TMC6: variants seen among roughly 807,000 people sequenced by gnomAD.
TMC6 encodes the protein transmembrane channel-like protein 6.
TMC6 carries 71 observed loss-of-function variants against 95.4 expected under a neutral mutation model. The ratio of observed to expected loss-of-function variants is 0.74; its 90% CI spans 0.61 to 0.91. The LOEUF is 0.91. Among genes scored for constraint, TMC6 ranks in the 40% least tolerant of loss-of-function variants. The pLI is 0.00. For synonymous variants in TMC6, 514 were observed against 483.1 expected, an observed-to-expected ratio of 1.06 and a Z score of -0.84; for missense variants, 1,074 against 1,079.1, an observed-to-expected ratio of 1.00 and a Z score of 0.07.
intron 9 of TMC6, chr17:78,123,134 G>C (rs1412872908): frequency 2.9e-6 from 1 of 350,256 alleles, no homozygotes; most frequent in Non-Finnish European, 5.5e-6. Flanking sequence ...TCCCCTCTCA[G>C]GGCAAGTGCC....
rs369854008 is a variant in TMC6, at chr17:78,109,293, CAG to C, written c.*3853_*3854del. 24 of 365,610 alleles carry C rather than the reference CAG, an allele frequency of 6.6e-5. No individual in the cohort carries two copies. The highest frequency in any genetic ancestry group is 2.4e-4 in the South Asian group (12 of 50,054). 22.6% of individuals were successfully genotyped at this position (365,610 alleles called of 1,614,324 possible). ...CTGAGTGTTCAGTGAAGAGGGAAAACAGAGACAGTGGGGCATCCCGAGAAGAT... is the reference window on the plus strand; with the variant it reads ...CTGAGTGTTCAGTGAAGAGGGAAAACAGACAGTGGGGCATCCCGAGAAGAT... On this transcript the variant is annotated 3_prime_UTR_variant, in exon 20 of 20. Coordinates refer to ENST00000590602, the MANE Select transcript of TMC6 (RefSeq NM_001127198.5).
At chr17:78,131,681 C>CT (rs1568011732), upstream of TMC6, 8 of 1,575,162 alleles carry the variant, frequency 5.1e-6, no homozygotes, top group South Asian at 9.3e-5. Flanking sequence ...GGCTGCGCGG[C>CT]TCTGGGACGC....
At position 78,126,865 on chromosome 17, in the gene TMC6, T is replaced by A; in HGVS notation, c.-33A>T. 6.2e-7 allele frequency: 1 copy of A among 1,608,980 alleles called. No individual in the cohort carries two copies. The highest frequency in any genetic ancestry group is 2.2e-5 in the East Asian group (1 of 44,694). ...GCCAATGCCCGCTAGTCTGCAGACC[T>A]AGGGTAGCTCAGAGCCTGGGCGCCA... On this transcript the variant is annotated 5_prime_UTR_variant, in exon 2 of 20. Transcript: ENST00000590602.
upstream of TMC6, chr17:78,132,277 C>G: frequency 6.5e-7 from 1 of 1,547,344 alleles, no homozygotes; most frequent in Non-Finnish European, 8.8e-7. Context: ...CCCACGCCGT[C>G]CGGTGGGCCC....
chr17:78,119,524 G>A (rs2074303457), intron 13 of TMC6, 132 bp from the exon 14 acceptor site: 1 of 921,604 alleles, frequency 1.1e-6, no homozygotes, highest in Non-Finnish European at 1.7e-6. Context: ...ATGCCAAGAA[G>A]AGACAGCCAC....
chr17:78,126,156 GCT>G, intron 4 of TMC6, 119 bp downstream of exon 4: 3 of 1,392,136 alleles, frequency 2.2e-6, no homozygotes, highest in South Asian at 2.6e-5. Flanking sequence ...CCTGGGCCTG[GCT>G]CTGAGCTACG....
upstream of TMC6, chr17:78,131,849 C>A: frequency 6.8e-7 from 1 of 1,471,300 alleles, no homozygotes; most frequent in Non-Finnish European, 9.0e-7. Flanking sequence ...GGGCGGGTGA[C>A]TCAGGGGCGC....
At chr17:78,126,048 C>T (rs2074694894) in intron 4 of TMC6, 164 bp from the exon 5 acceptor site, 2 of 1,182,136 alleles carry the variant, frequency 1.7e-6, no homozygotes, top group East Asian at 5.1e-5. Flanking sequence ...CCTATTTTTA[C>T]CCCGTGATGA....
chr17:78,119,473 C>G, intron 13 of TMC6, 81 bp from the exon 14 acceptor site: 1 of 1,406,176 alleles, frequency 7.1e-7, no homozygotes, highest in African/African-American at 1.4e-5. Context: ...CCAGAGGCAC[C>G]CCGCCCCCAG....
chr17:78,109,677 GTGCATGCA>G lies in TMC6; in HGVS notation c.*3463_*3470del. The stretch of plus-strand genomic sequence containing the variant: ...AAGCCCCCCAAGCCCACGGGCGTGA[GTGCATGCA>G]TGCGTTTGTGACAGCCTGGTGCTCG... On this transcript the variant is annotated 3_prime_UTR_variant, in exon 20 of 20. Coordinates refer to ENST00000590602, the MANE Select transcript of TMC6 (RefSeq NM_001127198.5). 2.5e-6 allele frequency: 1 copy of G among 404,674 alleles called. No homozygotes were observed. The highest frequency in any genetic ancestry group is 5.0e-6 in the Non-Finnish European group (1 of 198,946). 25.1% of individuals were successfully genotyped at this position (404,674 alleles called of 1,614,324 possible).
intron 18 of TMC6, among the ~76,000 whole-genome samples, chr17:78,114,475 C>T (rs1170984170): frequency 6.6e-6 from 1 of 152,044 alleles, no homozygotes; most frequent in East Asian, 1.9e-4. Flanking sequence ...ATCTTTGGGG[C>T]CAGTACTGGA....
rs1349616827 is a variant in TMC6, at chr17:78,112,922, T to C, written c.*226A>G. The C allele has an allele frequency of 3.5e-6, 2 of 578,118 alleles. No individual in the cohort carries two copies. The highest frequency in any genetic ancestry group is 3.1e-6 in the Non-Finnish European group (1 of 327,320). 35.8% of individuals were successfully genotyped at this position (578,118 alleles called of 1,614,324 possible). A position where few individuals can be genotyped will look rare whatever the true frequency, so the allele number is the denominator to read the frequency against. On this transcript the variant is annotated 3_prime_UTR_variant, in exon 20 of 20. Transcript: ENST00000590602. Reference sequence around the variant, plus strand: ...CACAGAGCCCCAAGGGACAAGCCCATTTGCAAAACCCCTTTAATCAGAATA... The same window carrying C: ...CACAGAGCCCCAAGGGACAAGCCCACTTGCAAAACCCCTTTAATCAGAATA...
At chr17:78,131,637 G>A, upstream of TMC6, 13 of 1,555,946 alleles carry the variant, frequency 8.4e-6, no homozygotes, top group Non-Finnish European at 1.1e-5. Flanking sequence ...TGGGGTGCCG[G>A]AGCCGGAGGA....
In TMC6 at chr17:78,111,891, CG is replaced by C; in HGVS notation, c.*1256del. On this transcript the variant is annotated 3_prime_UTR_variant, in exon 20 of 20. Transcript: ENST00000590602. ...TCCCCACAAGCCTGGAACCCTGCGCCGTGACGGGCTGGTCCCCACAGACCTG... is the reference window on the plus strand; with the variant it reads ...TCCCCACAAGCCTGGAACCCTGCGCCTGACGGGCTGGTCCCCACAGACCTG... 4.4e-6 allele frequency: 1 copy of C among 226,334 alleles called. No homozygotes were observed. The highest frequency in any genetic ancestry group is 9.0e-6 in the Non-Finnish European group (1 of 111,424). 14.0% of individuals were successfully genotyped at this position (226,334 alleles called of 1,614,324 possible). A position where few individuals can be genotyped will look rare whatever the true frequency, so the allele number is the denominator to read the frequency against.
chr17:78,132,251 G>A, upstream of TMC6: 1 of 1,449,856 alleles, frequency 6.9e-7, no homozygotes, highest in Middle Eastern at 2.0e-4. Context: ...CGGGCGGGTG[G>A]GAGCCTGGCG....
chr17:78,131,892 G>A (rs1268145541), upstream of TMC6: 6 of 1,460,854 alleles, frequency 4.1e-6, no homozygotes, highest in South Asian at 1.4e-5. Flanking sequence ...GCAGCTGCGG[G>A]AGCCCGCGGG....
chr17:78,131,536 A>G (rs928548750), upstream of TMC6: 22 of 1,534,788 alleles, frequency 1.4e-5, no homozygotes, highest in Non-Finnish European at 1.8e-5. Flanking sequence ...CCGGGGACTC[A>G]TATCCCCCCC....
intron 19 of TMC6, 134 bp downstream of exon 19, chr17:78,113,414 G>C: frequency 1.6e-6 from 2 of 1,266,308 alleles, no homozygotes; most frequent in Non-Finnish European, 2.3e-6. Context: ...CGCCGGGGGG[G>C]AGATTTTTGT....
intron 19 of TMC6, 80 bp downstream of exon 19, chr17:78,113,468 C>T (rs1336200193): frequency 1.3e-6 from 2 of 1,518,318 alleles, no homozygotes; most frequent in East Asian, 2.3e-5. Flanking sequence ...GGTGTAGCCC[C>T]AGTGGCAGCC....
Sources: allele counts gnomAD v4.1 joint callset (sites outside exome capture counted in the v4.1 genomes callset), GRCh38; gene constraint gnomAD v4.1.1; transcripts MANE v1.5; gene names NCBI Gene and HGNC (gene_info 2026-07-23, HGNC 2026-07-21).